Variants in DHX37 observed in about 807,000 individuals in gnomAD.
DHX37 encodes probable ATP-dependent RNA helicase DHX37.
Under a neutral mutation model 134.3 loss-of-function variants are expected in DHX37, and 52 were observed. The observed-to-expected ratio is 0.39, with a 90% CI of 0.31 to 0.49. The LOEUF (loss-of-function observed/expected upper bound fraction) is 0.49. DHX37 is among the 20% of genes least tolerant of loss of function. DHX37 has a pLI of 0.93. For missense variants in DHX37, 1,344 were observed against 1,580.8 expected (o/e 0.85, Z 2.54); for synonymous variants, 634 against 670.7 (o/e 0.95, Z 0.85).
chr12:124,975,047 A>G (rs1351252578), intron 6 of DHX37, among the ~76,000 whole-genome samples: 3 of 152,194 alleles, frequency 2.0e-5, no homozygotes, highest in African/African-American at 7.2e-5. Context: ...AAGCGCTGGA[A>G]TTACAGGCGT....
intron 2 of DHX37, among the ~76,000 whole-genome samples, chr12:124,985,777 G>A (rs1406361770): frequency 6.9e-6 from 1 of 145,766 alleles, no homozygotes. Flanking sequence ...CAGAAAAGAT[G>A]TCGGGGGTGG....
chr12:124,961,205 CGT>C (rs1291638250), intron 15 of DHX37, among the ~76,000 whole-genome samples: 2 of 115,886 alleles, frequency 1.7e-5, no homozygotes, highest in African/African-American at 6.3e-5. Flanking sequence ...CACACATACA[CGT>C]GTGCACGCAC....
intron 19 of DHX37, 31 bp downstream of exon 19, chr12:124,954,056 C>T (rs370825217): frequency 5.5e-5 from 89 of 1,607,578 alleles, no homozygotes; most frequent in Non-Finnish European, 4.8e-5. Context: ...GGGTGACCCT[C>T]CCGCCACCCT....
Position 124,971,310 on chromosome 12 carries a change from G to A in DHX37, c.1183C>T (p.Arg395Trp), listed in dbSNP as rs200635901. The change falls in exon 8 of 27, where the codon CGG (arginine) becomes TGG (tryptophan). Residue 395 changes from arginine (R) to tryptophan (W), a missense_variant. Physicochemically the swap from Arg to Trp is moderately radical, Grantham distance 101. Coordinates refer to ENST00000308736, the MANE Select transcript of DHX37 (RefSeq NM_032656.4). ...IGLLSRIVTL[R>W]AKRNLPLKLL... ...CCCGCCTCCTGCGCTACCTTAGCCC[G>A]GAGAGTCACAATGCGGGACAGGAGG... 2.5e-6 allele frequency: 4 copies of A among 1,612,640 alleles called. No individual in the cohort carries two copies. Among genetic ancestry groups the A allele is most frequent in the South Asian group, 1.1e-5 (1 of 91,024 alleles).
At chr12:124,988,848 T>C (rs1954922837) in intron 1 of DHX37, 69 bp downstream of exon 1, 1 of 1,021,038 alleles carries the variant, frequency 9.8e-7, no homozygotes. Flanking sequence ...CACCCGAGAG[T>C]CCTGAAGGCA....
intron 3 of DHX37, 36 bp downstream of exon 3, chr12:124,982,475 G>T (rs758212079): frequency 6.2e-7 from 1 of 1,609,910 alleles, no homozygotes; most frequent in Non-Finnish European, 8.5e-7. Context: ...GGGCCCTGGA[G>T]GGAGGGCAGG....
chr12:124,950,572 TGGG>T (rs1204974454), intron 22 of DHX37, 22 bp from the exon 23 acceptor site: 13 of 1,545,906 alleles, frequency 8.4e-6, no homozygotes, highest in Non-Finnish European at 9.6e-6. Context: ...GGGAGGAAGC[TGGG>T]GTTACAGCGG....
chr12:124,952,690 A>C (rs6488960), intron 20 of DHX37, 120 bp from the exon 21 acceptor site: 8 of 1,114,288 alleles, frequency 7.2e-6, no homozygotes, highest in Admixed American at 3.6e-5. Context: ...GCTTGTCTCA[A>C]CCCCTCCCCA....
rs1399091507 is a variant in DHX37, at chr12:124,953,937, G to A, written c.2638C>T (p.Leu880=). 1 of 1,613,230 alleles carries A rather than the reference G, an allele frequency of 6.2e-7. No individual in the cohort carries two copies. Among genetic ancestry groups the A allele is most frequent in the African/African-American group, 1.3e-5 (1 of 75,058 alleles). ...ATCTCCATCATGGCTTTGTACCGCA[G>A]CCCGTTGGCTTCGCAAAACTGGGGT... ...CTPQFCEANG[L]RYKAMMEIRR... is the part of the protein sequence containing the mutation. Residue 880 remains leucine (L), a synonymous_variant, in exon 20 of 27, where the codon CTG becomes TTG. Transcript: ENST00000308736.
chr12:124,975,820 C>T lies in DHX37; in HGVS notation c.888-309G>A, dbSNP rs138656694. Among the ~76,000 whole-genome samples the T allele has an allele frequency of 1.4e-3, 216 of 152,268 alleles. 1 individual carries two copies. The highest frequency in any genetic ancestry group is 4.9e-3 in the African/African-American group (204 of 41,560). On this transcript the variant is annotated intron_variant, in intron 5 of 26. Coordinates refer to ENST00000308736, the MANE Select transcript of DHX37 (RefSeq NM_032656.4). ...ACAAGCTCCTCCAGACACAGGAACC[C>T]GCCAAGCCGATGGGTGGCTGGTCCC...
At chr12:124,974,248 C>T (rs1482931799) in intron 6 of DHX37, among the ~76,000 whole-genome samples, 1 of 151,482 alleles carries the variant, frequency 6.6e-6, no homozygotes, top group Non-Finnish European at 1.5e-5. Context: ...GCCACCGCAC[C>T]CGGCCACCCA....
At position 124,967,104 on chromosome 12, in the gene DHX37, G is replaced by A. The variant is rs774867142; in HGVS notation, c.1504+19C>T. ...CCCAGCTGCTCAGGGCAGAGTGCTG[G>A]TCGGGGCGTCCTCTTTACCTTGTGG... On this transcript the variant is annotated intron_variant, in intron 11 of 26. Transcript: ENST00000308736. 1.2e-6 allele frequency: 2 copies of A among 1,612,872 alleles called. No homozygotes were observed. Among genetic ancestry groups the A allele is most frequent in the Non-Finnish European group, 1.7e-6 (2 of 1,179,656 alleles).
chr12:124,980,723 ACTC>A lies in DHX37; in HGVS notation c.502_504del (p.Glu168del), dbSNP rs376470858. On this transcript the variant is annotated inframe_deletion, in exon 4 of 27. Coordinates refer to ENST00000308736, the MANE Select transcript of DHX37 (RefSeq NM_032656.4). This position sits in a 1 kb window ranked among gnomAD's most constrained non-coding sequence, Gnocchi z 5.3. ...GACTCCTCCTCCAGCTCCGATTCCG[ACTC>A]CTCCTCCTCCTCCTCCTCCTCCTCA... 4.4e-3 allele frequency: 5,956 copies of A among 1,342,354 alleles called. 14 individuals carry two copies. Among genetic ancestry groups the A allele is most frequent in the Admixed American group, 0.017 (685 of 39,770 alleles). The allele number at this position is 1,342,354 out of a possible 1,614,324, so 83.2% of individuals were successfully genotyped here. A position where few individuals can be genotyped will look rare whatever the true frequency, so the allele number is the denominator to read the frequency against.
rs1483691538 is a variant in DHX37 at position 124,972,738 on chromosome 12, A to G, written c.981-139T>C. 11 of 739,990 alleles carry G rather than the reference A, an allele frequency of 1.5e-5. 1 individual carries two copies. Among genetic ancestry groups the G allele is most frequent in the South Asian group, 1.1e-4 (7 of 63,694 alleles). 45.8% of individuals were successfully genotyped at this position (739,990 alleles called of 1,614,324 possible). On this transcript the variant is annotated intron_variant, in intron 6 of 26. Transcript: ENST00000308736. ...TGGCAACCTGAAACAAGTCCCAGAC[A>G]TCTCCCCAGTCCACTCTCCCCCTCC...
At chr12:124,952,350 C>A in intron 21 of DHX37, 48 bp downstream of exon 21, 1 of 1,543,186 alleles carries the variant, frequency 6.5e-7, no homozygotes. Flanking sequence ...GCCTGCCCCT[C>A]ACCAGGTGCC....
rs1047215783 is a variant in DHX37, at chr12:124,980,173, C to T, written c.738+317G>A. Among the ~76,000 whole-genome samples, 1 of 152,252 alleles carries T rather than the reference C, an allele frequency of 6.6e-6. No individual in the cohort carries two copies. Among genetic ancestry groups the T allele is most frequent in the African/African-American group, 2.4e-5 (1 of 41,470 alleles). On this transcript the variant is annotated intron_variant, in intron 4 of 26. Transcript: ENST00000308736. This position sits in a 1 kb window ranked among gnomAD's most constrained non-coding sequence, Gnocchi z 5.3. ...TGATTTCGGGTCAACTGATTCACAG[C>T]CCAAACTCTTGTCTGGATCGGGGCA...
At chr12:124,967,315 C>T (rs542279686) in intron 10 of DHX37, 97 bp from the exon 11 acceptor site, 2 of 1,352,316 alleles carry the variant, frequency 1.5e-6, no homozygotes, top group African/African-American at 2.9e-5. Flanking sequence ...AGGCAAGGTT[C>T]CAGGGATAAT....
chr12:124,957,701 C>T (rs1954126319), intron 16 of DHX37, among the ~76,000 whole-genome samples: 1 of 152,168 alleles, frequency 6.6e-6, no homozygotes, highest in Admixed American at 6.5e-5. Flanking sequence ...ACAGGAGAAT[C>T]ATTTGAACCT....
chr12:124,961,939 G>A (rs4765192), intron 15 of DHX37, among the ~76,000 whole-genome samples: 55,900 of 151,824 alleles, frequency 0.37, 10,710 homozygotes, highest in East Asian at 0.64. Context: ...AAATACTGAA[G>A]CTTTCATATT....
Sources: allele counts gnomAD v4.1 joint callset (sites outside exome capture counted in the v4.1 genomes callset), GRCh38; gene constraint gnomAD v4.1.1; non-coding constraint Gnocchi (gnomAD v3.1); transcripts MANE v1.5; gene names NCBI Gene and HGNC (gene_info 2026-07-23, HGNC 2026-07-21).